EYA2: variants seen among roughly 807,000 people sequenced by gnomAD.
EYA2 encodes EYA transcriptional coactivator and phosphatase 2, also known as protein phosphatase EYA2.
EYA2 carries 31 observed loss-of-function variants against 69.2 expected under a neutral mutation model. The ratio of observed to expected loss-of-function variants is 0.45; its 90% CI spans 0.34 to 0.60. The LOEUF is 0.60. EYA2 is among the 20% of genes least tolerant of loss of function. The pLI is 0.02. For missense variants in EYA2, 622 were observed against 701.2 expected, an observed-to-expected ratio of 0.89 and a Z score of 1.28; for synonymous variants, 257 against 279.4, an observed-to-expected ratio of 0.92 and a Z score of 0.80.
At chr20:47,094,401 AGCATATATAT>A (rs535619467) in intron 8 of EYA2, among the ~76,000 whole-genome samples, 48 of 152,370 alleles carry the variant, frequency 3.2e-4, no homozygotes, top group Admixed American at 6.5e-4. Flanking sequence ...ATGATGGCCC[AGCATATATAT>A]GCACATAAAT....
At chr20:46,972,438 T>C (rs757236682) in intron 1 of EYA2, among the ~76,000 whole-genome samples, 2 of 152,148 alleles carry the variant, frequency 1.3e-5, no homozygotes, top group Non-Finnish European at 2.9e-5. Context: ...TGGCACAGTG[T>C]CATGTGGTGA....
At chr20:47,125,795 T>C (rs952996310) in intron 9 of EYA2, among the ~76,000 whole-genome samples, 2 of 152,230 alleles carry the variant, frequency 1.3e-5, no homozygotes, top group Admixed American at 1.3e-4. Flanking sequence ...TTTGTTCAAC[T>C]TGTAAACAGC....
intron 1 of EYA2, among the ~76,000 whole-genome samples, chr20:46,938,642 G>T (rs144858744): frequency 5.9e-5 from 9 of 151,898 alleles, no homozygotes; most frequent in African/African-American, 2.2e-4. Context: ...GAAAGCAAGT[G>T]GAGAGAGAGA....
intron 5 of EYA2, among the ~76,000 whole-genome samples, chr20:47,017,296 A>G (rs905509049): frequency 6.6e-6 from 1 of 152,114 alleles, no homozygotes; most frequent in African/African-American, 2.4e-5. Flanking sequence ...AAATGATAAG[A>G]TGGTGGGCTG....
At chr20:46,926,646 T>C (rs1985427236) in intron 1 of EYA2, among the ~76,000 whole-genome samples, 1 of 152,206 alleles carries the variant, frequency 6.6e-6, no homozygotes, top group South Asian at 2.1e-4. Flanking sequence ...CTAGAAATAA[T>C]GTTTCATCTG....
At chr20:47,186,937 T>C (rs1568835941) in intron 15 of EYA2, among the ~76,000 whole-genome samples, 1 of 152,180 alleles carries the variant, frequency 6.6e-6, no homozygotes, top group Non-Finnish European at 1.5e-5. Flanking sequence ...TACCTAGATA[T>C]GTCCCTAGCT....
chr20:46,997,240 A>G (rs1203696263), intron 2 of EYA2, among the ~76,000 whole-genome samples: 1 of 152,166 alleles, frequency 6.6e-6, no homozygotes, highest in Non-Finnish European at 1.5e-5. Flanking sequence ...ACTCACTATC[A>G]TGAGAACAGG....
chr20:47,079,510 CTGT>C (rs1243337630), intron 7 of EYA2, among the ~76,000 whole-genome samples: 3 of 152,190 alleles, frequency 2.0e-5, no homozygotes, highest in African/African-American at 7.2e-5. Flanking sequence ...CTTATAAGGA[CTGT>C]TGTGATTCCA....
intron 10 of EYA2, among the ~76,000 whole-genome samples, chr20:47,148,058 C>CAAAAAAAAAAAAAAAAAAAAAAAAAAA (rs1264883844): frequency 2.4e-5 from 2 of 82,836 alleles, no homozygotes; most frequent in African/African-American, 9.7e-5. Context: ...GACTCTGTCT[C>CAAAAAAAAAAAAAAAAAAAAAAAAAAA]AAAAAAAAAA....
intron 8 of EYA2, among the ~76,000 whole-genome samples, chr20:47,096,833 G>A (rs1007488899): frequency 6.6e-6 from 1 of 152,144 alleles, no homozygotes; most frequent in African/African-American, 2.4e-5. Context: ...CTTTTATATG[G>A]AAGGCAAGGA....
chr20:47,101,479 A>G (rs2146525826), intron 9 of EYA2, among the ~76,000 whole-genome samples: 2 of 152,286 alleles, frequency 1.3e-5, no homozygotes, highest in Admixed American at 1.3e-4. Flanking sequence ...GGCCTCATCT[A>G]CCTGCAAGGG....
chr20:47,072,063 GC>G, intron 5 of EYA2, 121 bp from the exon 6 acceptor site: 1 of 872,320 alleles, frequency 1.1e-6, no homozygotes, highest in Non-Finnish European at 1.9e-6. Flanking sequence ...AGGAACCAGA[GC>G]TTCTGCCCAG....
chr20:47,139,522 T>C (rs1311833867), intron 9 of EYA2, among the ~76,000 whole-genome samples: 1 of 151,846 alleles, frequency 6.6e-6, no homozygotes, highest in African/African-American at 2.4e-5. Context: ...AACCTCCTCC[T>C]CCTGGGTTCA....
intron 1 of EYA2, among the ~76,000 whole-genome samples, chr20:46,919,631 CCAGACCACT>C (rs1389501763): frequency 6.6e-6 from 1 of 152,244 alleles, no homozygotes; most frequent in Non-Finnish European, 1.5e-5. Context: ...GATCTTCTAT[CCAGACCACT>C]CAGACTTTCT....
At chr20:47,009,953 T>TC (rs1204497445) in intron 4 of EYA2, among the ~76,000 whole-genome samples, 1 of 152,250 alleles carries the variant, frequency 6.6e-6, no homozygotes, top group African/African-American at 2.4e-5. Flanking sequence ...GTAAAATGTA[T>TC]CCCTGTTCAT....
At chr20:46,901,385 C>G (rs1370192549) in intron 1 of EYA2, 1 of 152,174 alleles carries the variant, frequency 6.6e-6, no homozygotes, top group Non-Finnish European at 1.5e-5. Flanking sequence ...TTTGTTCCCA[C>G]TATGTTTTCT....
At chr20:46,986,225 G>A (rs987873992) in intron 1 of EYA2, among the ~76,000 whole-genome samples, 2 of 150,874 alleles carry the variant, frequency 1.3e-5, no homozygotes, top group Non-Finnish European at 2.9e-5. Context: ...GCATGTATAC[G>A]TGGGGACATT....
chr20:47,136,552 T>C (rs191223791), intron 9 of EYA2, among the ~76,000 whole-genome samples: 1 of 152,186 alleles, frequency 6.6e-6, no homozygotes, highest in East Asian at 1.9e-4. Flanking sequence ...GAGATTACCC[T>C]GGGCCACATA....
chr20:47,067,127 A>G (rs1488518419), intron 5 of EYA2, among the ~76,000 whole-genome samples: 5 of 152,232 alleles, frequency 3.3e-5, no homozygotes, highest in Non-Finnish European at 7.3e-5. Flanking sequence ...TTTTGGAGAA[A>G]GCATACCAAG....
Sources: allele counts gnomAD v4.1 joint callset (sites outside exome capture counted in the v4.1 genomes callset), GRCh38; gene constraint gnomAD v4.1.1; transcripts MANE v1.5; gene names NCBI Gene and HGNC (gene_info 2026-07-23, HGNC 2026-07-21).